The following MCTP1 variants were observed in gnomAD, a reference collection of about 807,000 sequenced individuals.
MCTP1 encodes the protein multiple C2 and transmembrane domain-containing protein 1.
A neutral mutation model predicts 120.6 loss-of-function variants in MCTP1; 69 were observed. The observed-to-expected ratio is 0.57, with a 90% CI of 0.47 to 0.70. The LOEUF (loss-of-function observed/expected upper bound fraction) is 0.70. MCTP1 is among the 30% of genes least tolerant of loss of function. The pLI is 0.00. For missense variants in MCTP1, 1,203 were observed against 1,248.8 expected (o/e 0.96, Z 0.55); for synonymous variants, 529 against 493.1 (o/e 1.07, Z -0.96).
At chr5:94,894,615 T>C in intron 11 of MCTP1, 34 bp downstream of exon 11, 1 of 1,469,532 alleles carries the variant, frequency 6.8e-7, no homozygotes, top group Non-Finnish European at 9.3e-7. Flanking sequence ...TCTAGTCACA[T>C]GTGTCTCTGG....
rs985566977 is a variant in MCTP1 at position 95,058,603 on chromosome 5, C to T, written c.721-41119G>A. 2.0e-5 allele frequency among the ~76,000 whole-genome samples: 3 copies of T among 152,078 alleles called. No individual in the cohort carries two copies. The South Asian group carries it at 6.2e-4, about 31-fold the overall frequency. On this transcript the variant is annotated intron_variant, in intron 1 of 22. Transcript: ENST00000515393. ...GGAAATCATTTTGGAAATTGTTAAG[C>T]CTTCTACAAACTTAAACTATACCAC...
At chr5:94,843,866 A>T (rs903569265) in intron 17 of MCTP1, among the ~76,000 whole-genome samples, 4 of 152,220 alleles carry the variant, frequency 2.6e-5, no homozygotes, top group African/African-American at 9.6e-5. Context: ...CTGATTTATT[A>T]GGTAGAGAGA....
At chr5:94,750,058 A>G (rs1271275759) in intron 19 of MCTP1, among the ~76,000 whole-genome samples, 1 of 152,250 alleles carries the variant, frequency 6.6e-6, no homozygotes, top group Admixed American at 6.5e-5. Flanking sequence ...AGAAAGAGAG[A>G]GAAGAACTTG....
chr5:95,072,660 T>G (rs1752503693), intron 1 of MCTP1, among the ~76,000 whole-genome samples: 2 of 151,884 alleles, frequency 1.3e-5, no homozygotes, highest in Admixed American at 6.6e-5. Context: ...CAAATAATAT[T>G]CTCAAAGTCA....
intron 19 of MCTP1, among the ~76,000 whole-genome samples, chr5:94,759,964 T>C (rs1377251531): frequency 3.6e-5 from 5 of 139,546 alleles, no homozygotes; most frequent in African/African-American, 7.9e-5. Context: ...ACCATTTTAC[T>C]GTTGAGGGTT....
chr5:94,951,263 A>G (rs1820498529), intron 3 of MCTP1, among the ~76,000 whole-genome samples: 1 of 152,176 alleles, frequency 6.6e-6, no homozygotes, highest in Non-Finnish European at 1.5e-5. Context: ...TGAGCCTAGT[A>G]AGACATTCCT....
intron 17 of MCTP1, among the ~76,000 whole-genome samples, chr5:94,847,900 G>C (rs1434817821): frequency 1.3e-5 from 2 of 151,926 alleles, no homozygotes; most frequent in East Asian, 3.9e-4. Context: ...ACCTGCTCAA[G>C]CACCTGTTTT....
chr5:95,132,952 AC>A (rs887634426), intron 1 of MCTP1, among the ~76,000 whole-genome samples: 9 of 152,124 alleles, frequency 5.9e-5, no homozygotes, highest in Non-Finnish European at 1.2e-4. Context: ...TCCATGCTGC[AC>A]TCACATCTCA....
At chr5:95,226,270 ATGT>A (rs1754255168) in intron 1 of MCTP1, among the ~76,000 whole-genome samples, 1 of 152,126 alleles carries the variant, frequency 6.6e-6, no homozygotes, top group African/African-American at 2.4e-5. Context: ...GGGGGAAAGC[ATGT>A]TGTATATATT....
chr5:94,970,850 C>CTTT (rs34523281), intron 2 of MCTP1, among the ~76,000 whole-genome samples: 11 of 147,060 alleles, frequency 7.5e-5, no homozygotes, highest in African/African-American at 2.7e-4. Flanking sequence ...CTCTTCAATC[C>CTTT]TTTTTTTTTT....
chr5:95,273,973 C>A (rs1320172145), intron 1 of MCTP1, among the ~76,000 whole-genome samples: 3 of 152,232 alleles, frequency 2.0e-5, no homozygotes, highest in Non-Finnish European at 4.4e-5. Context: ...CAGCTGCAAG[C>A]TCTCACTGAG....
intron 20 of MCTP1, among the ~76,000 whole-genome samples, chr5:94,712,574 T>A (rs1458745934): frequency 6.6e-6 from 1 of 152,132 alleles, no homozygotes; most frequent in African/African-American, 2.4e-5. Context: ...CAAAATTGTT[T>A]CCTAAAATTT....
At chr5:95,114,194 G>T (rs1331920122) in intron 1 of MCTP1, among the ~76,000 whole-genome samples, 1 of 152,198 alleles carries the variant, frequency 6.6e-6, no homozygotes, top group South Asian at 2.1e-4. Flanking sequence ...GTCTTCAGGT[G>T]AGACTAAGCA....
At chr5:94,853,371 C>A (rs1794124373) in intron 17 of MCTP1, among the ~76,000 whole-genome samples, 2 of 152,050 alleles carry the variant, frequency 1.3e-5, no homozygotes, top group South Asian at 4.1e-4. Flanking sequence ...GTTAGTATGG[C>A]TTTGATTTTA....
intron 12 of MCTP1, among the ~76,000 whole-genome samples, chr5:94,883,712 T>C (rs1800623449): frequency 6.6e-6 from 1 of 152,208 alleles, no homozygotes; most frequent in African/African-American, 2.4e-5. Flanking sequence ...TTAAATATGA[T>C]GATGACAATT....
chr5:94,771,762 G>A (rs1774132907), intron 19 of MCTP1, among the ~76,000 whole-genome samples: 1 of 152,314 alleles, frequency 6.6e-6, no homozygotes, highest in Non-Finnish European at 1.5e-5. Flanking sequence ...GCAGTTGGAA[G>A]TTACCTGTAC....
intron 11 of MCTP1, among the ~76,000 whole-genome samples, chr5:94,892,708 C>A (rs1802956801): frequency 6.6e-6 from 1 of 152,146 alleles, no homozygotes; most frequent in South Asian, 2.1e-4. Context: ...CTGACAGTGA[C>A]CAATGTCAAA....
chr5:95,184,536 T>C (rs1433763608), intron 1 of MCTP1, among the ~76,000 whole-genome samples: 3 of 152,182 alleles, frequency 2.0e-5, no homozygotes, highest in Admixed American at 2.0e-4. Context: ...AAACTAACTT[T>C]GGGAAGGATT....
chr5:95,022,510 C>A (rs1259879249), intron 1 of MCTP1, among the ~76,000 whole-genome samples: 1 of 152,064 alleles, frequency 6.6e-6, no homozygotes, highest in African/African-American at 2.4e-5. Context: ...AATTATGAAC[C>A]TTTAAAATCA....
Sources: gnomAD v4.1 joint callset for allele counts (sites outside exome capture counted in the v4.1 genomes callset) on GRCh38, gnomAD v4.1.1 for gene constraint, MANE v1.5 for transcripts, NCBI Gene and HGNC (gene_info 2026-07-23, HGNC 2026-07-21) for gene names.